Variants in PIEZO2 observed in about 807,000 individuals in gnomAD.
PIEZO2 encodes the protein piezo type mechanosensitive ion channel component 2.
In PIEZO2, 172 loss-of-function variants were observed where a neutral mutation model predicts 337.3. The observed-to-expected ratio is 0.51, with a 90% CI of 0.45 to 0.58. The LOEUF (loss-of-function observed/expected upper bound fraction) is 0.58. Among genes scored for constraint, PIEZO2 ranks in the 20% least tolerant of loss-of-function variants. The pLI is 0.00. For missense variants in PIEZO2, 3,028 were observed against 3,391.3 expected (o/e 0.89, Z 2.66); for synonymous variants, 1,251 against 1,228.5 (o/e 1.02, Z -0.38).
chr18:11,142,351 T>C (rs1359890416), intron 1 of PIEZO2, among the ~76,000 whole-genome samples: 5 of 152,240 alleles, frequency 3.3e-5, no homozygotes, highest in Admixed American at 6.5e-5. Flanking sequence ...AGACACTGTG[T>C]CTCTGACGGG....
intron 7 of PIEZO2, among the ~76,000 whole-genome samples, chr18:10,816,110 G>C (rs1044886347): frequency 6.6e-6 from 1 of 152,134 alleles, no homozygotes; most frequent in African/African-American, 2.4e-5. Flanking sequence ...GGAAGCCCTC[G>C]GCTCTTCACT....
intron 2 of PIEZO2, among the ~76,000 whole-genome samples, chr18:11,008,766 C>T (rs1257137003): frequency 3.3e-5 from 5 of 152,094 alleles, no homozygotes; most frequent in African/African-American, 7.2e-5. Context: ...TAAACAACAC[C>T]CAGTCCCTGC....
At position 10,954,723 on chromosome 18, in the gene PIEZO2, G is replaced by A. The variant is rs769210604; in HGVS notation, c.286+24812C>T. On this transcript the variant is annotated intron_variant, in intron 3 of 55. Transcript: ENST00000674853. This position sits in a 1 kb window ranked among gnomAD's most constrained non-coding sequence, Gnocchi z 4.2. Reference sequence around the variant, plus strand: ...ATGGTGATGGCTGTGGCAGAAGCAAGTGGCCACAGGTCCCAGAGACAGGGG... The same window carrying A: ...ATGGTGATGGCTGTGGCAGAAGCAAATGGCCACAGGTCCCAGAGACAGGGG... Among the ~76,000 whole-genome samples the A allele has an allele frequency of 6.6e-6, 1 of 152,190 alleles. No individual in the cohort carries two copies. Among genetic ancestry groups the A allele is most frequent in the Non-Finnish European group, 1.5e-5 (1 of 68,036 alleles).
intron 36 of PIEZO2, among the ~76,000 whole-genome samples, chr18:10,730,801 A>C (rs1280305711): frequency 1.3e-5 from 2 of 152,102 alleles, no homozygotes; most frequent in East Asian, 3.9e-4. Flanking sequence ...ATCTTGGCTC[A>C]CTGCAAGCTC....
intron 2 of PIEZO2, among the ~76,000 whole-genome samples, chr18:11,052,600 C>T (rs930917680): frequency 6.6e-6 from 1 of 152,070 alleles, no homozygotes; most frequent in African/African-American, 2.4e-5. Flanking sequence ...TCTAAGATTG[C>T]TACATTGAAA....
chr18:10,741,670 T>A (rs2037222816), intron 32 of PIEZO2, among the ~76,000 whole-genome samples: 1 of 152,116 alleles, frequency 6.6e-6, no homozygotes, highest in Non-Finnish European at 1.5e-5. Context: ...ATATAATAAA[T>A]CCATAATTAG....
chr18:10,919,801 G>A (rs1275873353), intron 3 of PIEZO2, among the ~76,000 whole-genome samples: 26 of 151,916 alleles, frequency 1.7e-4, no homozygotes, highest in Non-Finnish European at 2.6e-4. Flanking sequence ...AGTCTATAAC[G>A]CTTCCTCTAC....
At position 11,002,979 on chromosome 18, in the gene PIEZO2, A is replaced by AGG. The variant is rs2035596817; in HGVS notation, c.161-23321_161-23320dup. Among the ~76,000 whole-genome samples the AGG allele has an allele frequency of 7.2e-6, 1 of 139,608 alleles. No homozygotes were observed. Among genetic ancestry groups the AGG allele is most frequent in the Non-Finnish European group, 1.5e-5 (1 of 67,912 alleles). 91.6% of individuals were successfully genotyped at this position (139,608 alleles called of 152,430 possible). On this transcript the variant is annotated intron_variant, in intron 2 of 55. Transcript: ENST00000674853. This position sits in a 1 kb window ranked among gnomAD's most constrained non-coding sequence, Gnocchi z 4.3. Reference sequence around the variant, plus strand: ...ACTCAAACAGAGGAAGTGAGGCAAGAGGCGCTCCTGCTACCAGAGGCTTCC... The same window carrying AGG: ...ACTCAAACAGAGGAAGTGAGGCAAGAGGGGCGCTCCTGCTACCAGAGGCTTCC...
At chr18:11,043,820 C>T (rs2037206130) in intron 2 of PIEZO2, among the ~76,000 whole-genome samples, 1 of 151,976 alleles carries the variant, frequency 6.6e-6, no homozygotes, top group African/African-American at 2.4e-5. Context: ...TAGGCACGTG[C>T]CATCATGCCT....
intron 36 of PIEZO2, among the ~76,000 whole-genome samples, chr18:10,729,754 C>T (rs2036691354): frequency 6.6e-6 from 1 of 152,072 alleles, no homozygotes; most frequent in African/African-American, 2.4e-5. Context: ...TGATCTTTCT[C>T]TTGCATTCAT....
At position 10,999,054 on chromosome 18, in the gene PIEZO2, A is replaced by G. The variant is rs867766340; in HGVS notation, c.161-19394T>C. Reference sequence around the variant, plus strand: ...TGTGGCATGCAAATGTGGAGGATCCATGGTTCTTTGGAGTGTGCCAATTTT... The same window carrying G: ...TGTGGCATGCAAATGTGGAGGATCCGTGGTTCTTTGGAGTGTGCCAATTTT... On this transcript the variant is annotated intron_variant, in intron 2 of 55. Transcript: ENST00000674853. Among the ~76,000 whole-genome samples, 7 of 152,182 alleles carry G rather than the reference A, an allele frequency of 4.6e-5. No individual in the cohort carries two copies. In the South Asian group the frequency reaches 6.2e-4, roughly 14 times the overall value.
chr18:10,822,770 T>C (rs2040557660), intron 7 of PIEZO2, among the ~76,000 whole-genome samples: 1 of 152,232 alleles, frequency 6.6e-6, no homozygotes, highest in African/African-American at 2.4e-5. Context: ...GGCTAATGAA[T>C]GTCTACTTGC....
chr18:10,784,448 C>T lies in PIEZO2; in HGVS notation c.2492+336G>A, dbSNP rs2039142958. On this transcript the variant is annotated intron_variant, in intron 17 of 55. Coordinates refer to ENST00000674853, the MANE Select transcript of PIEZO2 (RefSeq NM_001378183.1). The surrounding 1 kb of genome is among the most constrained non-coding windows in gnomAD (Gnocchi z 4.5). ...ATAATGGAAAAATCCTCTGAATTAG[C>T]CAGATTCCCTAAATGTTCTAAAAAC... 6.6e-6 allele frequency among the ~76,000 whole-genome samples: 1 copy of T among 152,144 alleles called. No homozygotes were observed. Among genetic ancestry groups the T allele is most frequent in the Non-Finnish European group, 1.5e-5 (1 of 68,026 alleles).
rs952893008 is a variant in PIEZO2 at position 10,704,454 on chromosome 18, G to T, written c.6198C>A (p.Ala2066=). The T allele has an allele frequency of 3.9e-6, 6 of 1,537,096 alleles. No homozygotes were observed. The African/African-American group carries it at 8.2e-5, about 21-fold the overall frequency. The change falls in exon 42 of 56, where the codon GCC becomes GCA. Residue 2066 remains alanine, a synonymous_variant. Transcript: ENST00000674853. ...LLLPILIFLW[A]MLSVPRPSRR... ...GGCTGGGCCTGGGGACGGACAACAT[G>T]GCCCAGAGGAAGATGAGGATGGGAA... is the stretch of plus-strand genomic sequence containing the variant.
chr18:10,816,181 C>A (rs1218123352), intron 7 of PIEZO2, among the ~76,000 whole-genome samples: 1 of 152,152 alleles, frequency 6.6e-6, no homozygotes, highest in Non-Finnish European at 1.5e-5. Context: ...CCTCTCCATC[C>A]CCAGACCCAC....
At chr18:10,786,145 C>T (rs1376043719) in intron 16 of PIEZO2, among the ~76,000 whole-genome samples, 1 of 152,200 alleles carries the variant, frequency 6.6e-6, no homozygotes, top group Non-Finnish European at 1.5e-5. Context: ...TCAGCAAAGC[C>T]CGTGCCAGTC....
chr18:10,765,016 T>G (rs930676960), intron 21 of PIEZO2, among the ~76,000 whole-genome samples: 2 of 152,218 alleles, frequency 1.3e-5, no homozygotes, highest in Admixed American at 1.3e-4. Context: ...CACAATTAAT[T>G]TATTCAGAAC....
At chr18:10,879,536 C>T (rs2042358408) in intron 4 of PIEZO2, among the ~76,000 whole-genome samples, 1 of 151,812 alleles carries the variant, frequency 6.6e-6, no homozygotes, top group African/African-American at 2.4e-5. Flanking sequence ...GCTAGGACTA[C>T]AGGCACCCGC....
At chr18:10,782,288 A>G (rs376765997) in intron 17 of PIEZO2, among the ~76,000 whole-genome samples, 1 of 3,180 alleles carries the variant, frequency 3.1e-4, no homozygotes, top group Admixed American at 5.4e-3. Flanking sequence ...ATATAATATA[A>G]TTATAATTAT....
Sources: gnomAD v4.1 joint callset for allele counts (sites outside exome capture counted in the v4.1 genomes callset) on GRCh38, gnomAD v4.1.1 for gene constraint, Gnocchi (gnomAD v3.1) non-coding constraint, MANE v1.5 for transcripts, NCBI Gene and HGNC (gene_info 2026-07-23, HGNC 2026-07-21) for gene names.